The following PITPNC1 variants were observed in gnomAD, a reference collection of about 807,000 sequenced individuals.
PITPNC1 encodes cytoplasmic phosphatidylinositol transfer protein 1.
A neutral mutation model predicts 44.7 loss-of-function variants in PITPNC1; 18 were observed. The ratio of observed to expected loss-of-function variants is 0.40; its 90% CI spans 0.28 to 0.60. The LOEUF (loss-of-function observed/expected upper bound fraction) is 0.60, where lower values mean the gene tolerates loss of function less well. Ranked by LOEUF, PITPNC1 falls within the 20% of genes least tolerant of loss-of-function variation. The probability of loss-of-function intolerance (pLI) is 0.39; values close to 1 mark genes in which losing one functional copy is unlikely to be tolerated. For missense variants in PITPNC1, 290 were observed against 418.4 expected (o/e 0.69, Z 2.68); for synonymous variants, 141 against 149.6 (o/e 0.94, Z 0.42).
chr17:67,502,704 T>C (rs2949942), intron 1 of PITPNC1, among the ~76,000 whole-genome samples: 111,883 of 151,810 alleles, frequency 0.74, 41,372 homozygotes, highest in Middle Eastern at 0.84. Flanking sequence ...TTTGGGTACT[T>C]GAGGAAGTTT....
At chr17:67,437,304 A>T (rs2038951233) in intron 1 of PITPNC1, among the ~76,000 whole-genome samples, 1 of 152,080 alleles carries the variant, frequency 6.6e-6, no homozygotes, top group East Asian at 1.9e-4. Context: ...GTATCCAATG[A>T]CTGATGTCCT....
chr17:67,499,062 CAG>C (rs562595423), intron 1 of PITPNC1, among the ~76,000 whole-genome samples: 1 of 151,906 alleles, frequency 6.6e-6, no homozygotes, highest in African/African-American at 2.4e-5. Context: ...TTAACAGAGA[CAG>C]AGTTTCACCA....
At chr17:67,525,206 G>C (rs2040377515) in intron 1 of PITPNC1, 1 of 152,138 alleles carries the variant, frequency 6.6e-6, no homozygotes, top group African/African-American at 2.4e-5. Flanking sequence ...AAATAGCTTT[G>C]GTCCTGGGCA....
At chr17:67,439,631 T>C (rs1370481496) in intron 1 of PITPNC1, among the ~76,000 whole-genome samples, 1 of 152,200 alleles carries the variant, frequency 6.6e-6, no homozygotes, top group Non-Finnish European at 1.5e-5. Flanking sequence ...TGAAAAATTA[T>C]ATATATTTAT....
At chr17:67,451,344 T>C (rs2039172472) in intron 1 of PITPNC1, among the ~76,000 whole-genome samples, 1 of 152,148 alleles carries the variant, frequency 6.6e-6, no homozygotes, top group Non-Finnish European at 1.5e-5. Flanking sequence ...AAATTCTTTT[T>C]TGCACATGAT....
intron 1 of PITPNC1, among the ~76,000 whole-genome samples, chr17:67,443,719 C>T (rs375827613): frequency 1.3e-5 from 2 of 149,124 alleles, no homozygotes; most frequent in East Asian, 3.9e-4. Context: ...ACTGCAACCT[C>T]TGCCCCCAGG....
chr17:67,680,398 G>C (rs776321998), intron 8 of PITPNC1, among the ~76,000 whole-genome samples: 1 of 152,050 alleles, frequency 6.6e-6, no homozygotes, highest in Non-Finnish European at 1.5e-5. Context: ...TCAGGAGTTC[G>C]AGACCAGCCT....
chr17:67,411,514 A>G (rs769190316), intron 1 of PITPNC1, among the ~76,000 whole-genome samples: 11 of 152,080 alleles, frequency 7.2e-5, no homozygotes, highest in Non-Finnish European at 1.5e-4. Flanking sequence ...GGGCCCAGGG[A>G]CAGAATGCCA....
intron 1 of PITPNC1, among the ~76,000 whole-genome samples, chr17:67,507,683 C>CAAA (rs59838492): frequency 3.5e-4 from 28 of 79,492 alleles, no homozygotes; most frequent in Middle Eastern, 5.3e-3. Flanking sequence ...GACTTGGTCT[C>CAAA]AAAAAAAAAA....
chr17:67,453,477 G>A (rs2039212579), intron 1 of PITPNC1, among the ~76,000 whole-genome samples: 1 of 152,104 alleles, frequency 6.6e-6, no homozygotes, highest in Admixed American at 6.6e-5. Flanking sequence ...TTCCAGGTGT[G>A]GGGAATTATT....
In PITPNC1 at chr17:67,569,121, A is replaced by G. The variant is rs138843917; in HGVS notation, c.295-9065A>G. On this transcript the variant is annotated intron_variant, in intron 4 of 8. Coordinates refer to ENST00000581322, the MANE Select transcript of PITPNC1 (RefSeq NM_012417.4). Reference sequence around the variant, plus strand: ...TGCTGAGACAGAAATAAGGGCTGCCAGCACCACCCAGAAACTGACTATGAA... The same window carrying G: ...TGCTGAGACAGAAATAAGGGCTGCCGGCACCACCCAGAAACTGACTATGAA... Among the ~76,000 whole-genome samples the G allele has an allele frequency of 7.1e-3, 1,075 of 152,132 alleles. 17 individuals carry two copies. The highest frequency in any genetic ancestry group is 6.5e-3 in the Non-Finnish European group (445 of 67,988).
intron 5 of PITPNC1, chr17:67,612,621 C>T (rs1598885992): frequency 6.6e-6 from 1 of 152,084 alleles, no homozygotes; most frequent in Non-Finnish European, 1.5e-5. Context: ...AGCTTCCTAG[C>T]ATATTGGGAA....
intron 5 of PITPNC1, among the ~76,000 whole-genome samples, chr17:67,624,734 G>T (rs2041875489): frequency 6.6e-6 from 1 of 151,522 alleles, no homozygotes; most frequent in Non-Finnish European, 1.5e-5. Flanking sequence ...TGTTGCCTAG[G>T]CTGGTCTCAA....
intron 2 of PITPNC1, among the ~76,000 whole-genome samples, chr17:67,546,797 G>A (rs1168592056): frequency 1.3e-5 from 2 of 152,138 alleles, no homozygotes; most frequent in Non-Finnish European, 2.9e-5. Flanking sequence ...CGGCAGCCTT[G>A]CCTCCCACAG....
chr17:67,549,526 T>C (rs2040729946), intron 2 of PITPNC1, among the ~76,000 whole-genome samples: 1 of 152,192 alleles, frequency 6.6e-6, no homozygotes, highest in South Asian at 2.1e-4. Context: ...TTCTAGAATC[T>C]GGGGTCCTGA....
chr17:67,592,406 A>G (rs1321265792), intron 5 of PITPNC1, among the ~76,000 whole-genome samples: 1 of 152,228 alleles, frequency 6.6e-6, no homozygotes, highest in Non-Finnish European at 1.5e-5. Flanking sequence ...AAGACTAAAT[A>G]CTGTAAAGAA....
rs1371207961 is a variant in PITPNC1 at position 67,632,219 on chromosome 17, G to A, written c.443G>A (p.Arg148His). The change falls in exon 6 of 9, where the codon CGC becomes CAC. Residue 148 changes from arginine (R) to histidine (H), a missense_variant. Coordinates refer to ENST00000581322, the MANE Select transcript of PITPNC1 (RefSeq NM_012417.4). Reference protein sequence around the residue: ...IDIACDEIPERYYKESEDPKH... With the variant: ...IDIACDEIPEHYYKESEDPKH... ...ATTGCCTGCGATGAAATTCCAGAGC[G>A]CTACTACAAAGAATCTGAGGTAAGC... is the stretch of plus-strand genomic sequence containing the variant. 5 of 1,606,510 alleles carry A rather than the reference G, an allele frequency of 3.1e-6. No homozygotes were observed. Among genetic ancestry groups the A allele is most frequent in the African/African-American group, 2.7e-5 (2 of 74,746 alleles).
Position 67,377,818 on chromosome 17 carries a change from C to G in PITPNC1, c.-337C>G. 3.3e-6 allele frequency: 1 copy of G among 304,654 alleles called. No homozygotes were observed. Among genetic ancestry groups the G allele is most frequent in the Non-Finnish European group, 6.0e-6 (1 of 165,884 alleles). 18.9% of individuals were successfully genotyped at this position (304,654 alleles called of 1,614,324 possible). A position where few individuals can be genotyped will look rare whatever the true frequency, so the allele number is the denominator to read the frequency against. ...TCCCTCGCTCGCTGCCGGGCATGTC[C>G]TGATCTGGCGGCCGCTCCTACCACC... On this transcript the variant is annotated 5_prime_UTR_variant, in exon 1 of 9. Transcript: ENST00000581322.
intron 1 of PITPNC1, among the ~76,000 whole-genome samples, chr17:67,515,912 A>G (rs1168785411): frequency 6.6e-6 from 1 of 152,208 alleles, no homozygotes; most frequent in African/African-American, 2.4e-5. Flanking sequence ...TTGTGAGTCC[A>G]AATTAGGTGG....
Sources: gnomAD v4.1 joint callset for allele counts (sites outside exome capture counted in the v4.1 genomes callset) on GRCh38, gnomAD v4.1.1 for gene constraint, MANE v1.5 for transcripts, NCBI Gene and HGNC (gene_info 2026-07-23, HGNC 2026-07-21) for gene names.